The following CAMK4 variants were observed in gnomAD, a reference collection of about 807,000 sequenced individuals.
The protein encoded by CAMK4 is calcium/calmodulin-dependent protein kinase type IV.
Under a neutral mutation model 44.9 loss-of-function variants are expected in CAMK4, and 22 were observed. That is an observed-to-expected ratio of 0.49 (90% confidence interval 0.35 to 0.70). CAMK4 has a LOEUF of 0.70. Ranked by LOEUF, CAMK4 falls within the 30% of genes least tolerant of loss-of-function variation. The probability of loss-of-function intolerance (pLI) is 0.01; values close to 1 mark genes in which losing one functional copy is unlikely to be tolerated. For synonymous variants in CAMK4, 218 were observed against 215.4 expected (o/e 1.01, Z -0.11); for missense variants, 498 against 586.8 (o/e 0.85, Z 1.56).
At chr5:111,253,143 T>A (rs1749591843) in intron 1 of CAMK4, among the ~76,000 whole-genome samples, 1 of 152,230 alleles carries the variant, frequency 6.6e-6, no homozygotes, top group Non-Finnish European at 1.5e-5. Context: ...TATGTTCTCA[T>A]TGGTAATGGC....
intron 1 of CAMK4, among the ~76,000 whole-genome samples, chr5:111,300,478 A>AT (rs1377275125): frequency 3.3e-5 from 5 of 152,266 alleles, no homozygotes; most frequent in Middle Eastern, 3.4e-3. Context: ...CTTTGCATTG[A>AT]TTTTTTTGTG....
chr5:111,240,380 A>G (rs943109681), intron 1 of CAMK4, among the ~76,000 whole-genome samples: 3 of 152,162 alleles, frequency 2.0e-5, no homozygotes, highest in Non-Finnish European at 4.4e-5. Flanking sequence ...TGATAAAACA[A>G]TACATCACAT....
At chr5:111,243,446 G>A (rs944923435) in intron 1 of CAMK4, among the ~76,000 whole-genome samples, 4 of 152,204 alleles carry the variant, frequency 2.6e-5, no homozygotes, top group African/African-American at 9.7e-5. Flanking sequence ...ATTGTACAAG[G>A]AAGCACACAG....
At chr5:111,388,982 A>C (rs1282890228) in intron 4 of CAMK4, among the ~76,000 whole-genome samples, 2 of 152,184 alleles carry the variant, frequency 1.3e-5, no homozygotes, top group Admixed American at 1.3e-4. Flanking sequence ...TTCCCACAAG[A>C]ACATATTCTG....
intron 9 of CAMK4, among the ~76,000 whole-genome samples, chr5:111,479,241 C>T (rs949848976): frequency 6.6e-6 from 1 of 152,156 alleles, no homozygotes; most frequent in Non-Finnish European, 1.5e-5. Flanking sequence ...TTAAAATATC[C>T]TAATAGTAAC....
chr5:111,300,543 T>G (rs1747677914), intron 1 of CAMK4, among the ~76,000 whole-genome samples: 1 of 152,208 alleles, frequency 6.6e-6, no homozygotes, highest in African/African-American at 2.4e-5. Flanking sequence ...TTTTCTCCTT[T>G]TTTGTTAAAA....
intron 1 of CAMK4, among the ~76,000 whole-genome samples, chr5:111,251,859 T>C (rs1272714581): frequency 6.6e-6 from 1 of 152,006 alleles, no homozygotes; most frequent in African/African-American, 2.4e-5. Flanking sequence ...GTTATGTGTA[T>C]GTGACTTTGT....
chr5:111,224,121 G>T, upstream of CAMK4: 1 of 186,360 alleles, frequency 5.4e-6, no homozygotes, highest in Non-Finnish European at 1.1e-5. This position sits in a 1 kb window ranked among gnomAD's most constrained non-coding sequence, Gnocchi z 5.7. Context: ...AGCCGGCACC[G>T]CGGCAGCCAC....
chr5:111,390,189 G>C (rs1242968370), intron 4 of CAMK4, among the ~76,000 whole-genome samples: 1 of 152,042 alleles, frequency 6.6e-6, no homozygotes, highest in African/African-American at 2.4e-5. Context: ...CCCTAGTGCT[G>C]GTAAAGTATC....
chr5:111,428,357 AG>A (rs1456314245), intron 5 of CAMK4, among the ~76,000 whole-genome samples: 1 of 152,254 alleles, frequency 6.6e-6, no homozygotes, highest in African/African-American at 2.4e-5. Flanking sequence ...AGCACTCTCC[AG>A]GAAAACATGA....
chr5:111,249,377 A>G (rs1749376557), intron 1 of CAMK4, among the ~76,000 whole-genome samples: 1 of 151,858 alleles, frequency 6.6e-6, no homozygotes, highest in Non-Finnish European at 1.5e-5. Context: ...TGAAAATGTT[A>G]AAAAATATAA....
chr5:111,478,301 G>T (rs1755316796), intron 8 of CAMK4, 80 bp from the exon 9 acceptor site: 5 of 901,892 alleles, frequency 5.5e-6, no homozygotes, highest in Non-Finnish European at 8.3e-6. Context: ...AAAAAGAACA[G>T]TCCTGAATTC....
At chr5:111,393,873 G>GTT (rs5870448) in intron 4 of CAMK4, among the ~76,000 whole-genome samples, 4 of 141,848 alleles carry the variant, frequency 2.8e-5, no homozygotes, top group African/African-American at 5.2e-5. Flanking sequence ...AAAGTTTTGT[G>GTT]TTTTTTTTTT....
At chr5:111,354,270 A>G (rs1474775855) in intron 2 of CAMK4, among the ~76,000 whole-genome samples, 1 of 152,170 alleles carries the variant, frequency 6.6e-6, no homozygotes, top group South Asian at 2.1e-4. Flanking sequence ...AAGGATGATT[A>G]TCAGGGATTG....
chr5:111,401,108 G>A (rs934612342), intron 5 of CAMK4, among the ~76,000 whole-genome samples: 5 of 152,000 alleles, frequency 3.3e-5, no homozygotes, highest in Admixed American at 6.6e-5. Flanking sequence ...TGTACATATC[G>A]AACATAGTAC....
chr5:111,377,737 G>A (rs550235851), intron 4 of CAMK4, among the ~76,000 whole-genome samples: 109 of 152,158 alleles, frequency 7.2e-4, no homozygotes, highest in African/African-American at 2.4e-3. Flanking sequence ...GACTAAGTAG[G>A]CATATATTAG....
chr5:111,242,270 CTT>C (rs966676233), intron 1 of CAMK4, among the ~76,000 whole-genome samples: 3 of 152,102 alleles, frequency 2.0e-5, no homozygotes, highest in Admixed American at 2.0e-4. Context: ...GGGCAAGTCA[CTT>C]ATCCTTTCTG....
intron 5 of CAMK4, among the ~76,000 whole-genome samples, chr5:111,432,582 T>C (rs1028509807): frequency 1.3e-5 from 2 of 149,858 alleles, no homozygotes; most frequent in Non-Finnish European, 3.0e-5. Context: ...CATTGCATGC[T>C]TGTATCAAAA....
intron 1 of CAMK4, among the ~76,000 whole-genome samples, chr5:111,235,593 A>G (rs1311436955): frequency 6.6e-6 from 1 of 152,204 alleles, no homozygotes; most frequent in Admixed American, 6.5e-5. Context: ...AACGTAATAA[A>G]CAGAGCTTAT....
Sources: allele counts gnomAD v4.1 joint callset (sites outside exome capture counted in the v4.1 genomes callset), GRCh38; gene constraint gnomAD v4.1.1; non-coding constraint Gnocchi (gnomAD v3.1); transcripts MANE v1.5; gene names NCBI Gene and HGNC (gene_info 2026-07-23, HGNC 2026-07-21).